The following BACH2 variants were observed in gnomAD, a reference collection of about 807,000 sequenced individuals.
BACH2 encodes transcription regulator protein BACH2.
A neutral mutation model predicts 61.8 loss-of-function variants in BACH2; 5 were observed. That is an observed-to-expected ratio of 0.08 (90% CI 0.04 to 0.17). The LOEUF (loss-of-function observed/expected upper bound fraction) is 0.17, where lower values mean the gene tolerates loss of function less well. BACH2 is among the 10% of genes least tolerant of loss of function. BACH2 has a pLI of 1.00. For synonymous variants in BACH2, 446 were observed against 440.1 expected, an observed-to-expected ratio of 1.01 and a Z score of -0.17; for missense variants, 824 against 1,091.1, an observed-to-expected ratio of 0.76 and a Z score of 3.45.
intron 4 of BACH2, among the ~76,000 whole-genome samples, chr6:90,161,740 A>G (rs1164367450): frequency 6.6e-6 from 1 of 152,192 alleles, no homozygotes; most frequent in Non-Finnish European, 1.5e-5. Flanking sequence ...TTAACATCCT[A>G]CCTTTCCACT....
intron 2 of BACH2, among the ~76,000 whole-genome samples, chr6:90,258,345 G>A (rs932087121): frequency 3.3e-5 from 5 of 151,896 alleles, no homozygotes; most frequent in Non-Finnish European, 7.4e-5. Flanking sequence ...TGTCTTCTTG[G>A]TGCCCTTGTC....
chr6:90,102,800 T>TAAC (rs1221103404), intron 4 of BACH2, among the ~76,000 whole-genome samples: 67 of 106,430 alleles, frequency 6.3e-4, no homozygotes, highest in African/African-American at 2.4e-3. Flanking sequence ...CAAATAATAA[T>TAAC]AATAATAATA....
intron 5 of BACH2, among the ~76,000 whole-genome samples, chr6:90,053,149 G>A (rs578073603): frequency 3.2e-4 from 49 of 152,076 alleles, no homozygotes; most frequent in Middle Eastern, 3.4e-3. Flanking sequence ...TCATATATAG[G>A]GAGTTTTACA....
chr6:90,286,982 C>G (rs1302573826), intron 1 of BACH2, among the ~76,000 whole-genome samples: 9 of 152,078 alleles, frequency 5.9e-5, no homozygotes, highest in Non-Finnish European at 1.5e-5. Flanking sequence ...GAGGGCAGTT[C>G]CCCGCTAGAC....
intron 4 of BACH2, among the ~76,000 whole-genome samples, chr6:90,133,001 A>G (rs1784128566): frequency 6.6e-6 from 1 of 152,224 alleles, no homozygotes; most frequent in South Asian, 2.1e-4. Context: ...CCAGATCTGG[A>G]TCACTCACTT....
chr6:90,004,371 CAT>C (rs922273992), intron 6 of BACH2, among the ~76,000 whole-genome samples: 6 of 152,142 alleles, frequency 3.9e-5, no homozygotes, highest in African/African-American at 1.2e-4. Context: ...CCGAGGAAAA[CAT>C]AAGGTCTACC....
intron 4 of BACH2, among the ~76,000 whole-genome samples, chr6:90,164,567 G>T: frequency 6.6e-6 from 1 of 152,088 alleles, no homozygotes; most frequent in Non-Finnish European, 1.5e-5. Context: ...ATTTTATGAG[G>T]CCAGCATCAT....
chr6:90,029,103 TAACACCC>T (rs888784123), intron 5 of BACH2, among the ~76,000 whole-genome samples: 2 of 152,164 alleles, frequency 1.3e-5, no homozygotes, highest in Non-Finnish European at 2.9e-5. Flanking sequence ...CCTGCCCACC[TAACACCC>T]AGACTCTCCC....
chr6:90,121,983 TGCA>T (rs1783648238), intron 4 of BACH2, among the ~76,000 whole-genome samples: 1 of 152,236 alleles, frequency 6.6e-6, no homozygotes, highest in Non-Finnish European at 1.5e-5. Flanking sequence ...CTGTTTTAAC[TGCA>T]GTTCAATGAA....
intron 4 of BACH2, among the ~76,000 whole-genome samples, chr6:90,131,747 A>C (rs1182816364): frequency 6.6e-6 from 1 of 152,218 alleles, no homozygotes; most frequent in Non-Finnish European, 1.5e-5. Flanking sequence ...ACAGCATTTC[A>C]ATTTTGTGGT....
intron 4 of BACH2, among the ~76,000 whole-genome samples, chr6:90,146,187 G>A (rs1197664121): frequency 2.6e-5 from 4 of 152,182 alleles, no homozygotes; most frequent in African/African-American, 9.6e-5. Flanking sequence ...TCATCACCAC[G>A]TGTGACCAAA....
intron 4 of BACH2, among the ~76,000 whole-genome samples, chr6:90,205,882 C>T (rs4707605): frequency 0.46 from 70,019 of 151,998 alleles, 17,147 homozygotes; most frequent in South Asian, 0.56. Context: ...AGTCTGCACA[C>T]GCTAAAGGCA....
chr6:90,150,188 T>C (rs1483102914), intron 4 of BACH2, among the ~76,000 whole-genome samples: 2 of 152,154 alleles, frequency 1.3e-5, no homozygotes, highest in African/African-American at 4.8e-5. Flanking sequence ...GCGTCTCTCA[T>C]GCCCGTGCCA....
At chr6:90,083,046 A>AGACT (rs1474294061) in intron 5 of BACH2, among the ~76,000 whole-genome samples, 3 of 152,182 alleles carry the variant, frequency 2.0e-5, no homozygotes. Context: ...CATGACGCAC[A>AGACT]GTCTGTGCAA....
At chr6:90,151,009 C>T (rs370688952) in intron 4 of BACH2, among the ~76,000 whole-genome samples, 10 of 152,130 alleles carry the variant, frequency 6.6e-5, no homozygotes, top group African/African-American at 1.7e-4. Context: ...AATAATTACA[C>T]GAGGCAGACA....
At chr6:90,254,842 A>G (rs1770925724) in intron 2 of BACH2, among the ~76,000 whole-genome samples, 2 of 152,166 alleles carry the variant, frequency 1.3e-5, no homozygotes, top group Admixed American at 6.5e-5. Flanking sequence ...AAAAGCCTGA[A>G]GAAGTTATTG....
chr6:89,996,608 A>C (rs1290758656), intron 6 of BACH2, among the ~76,000 whole-genome samples: 3 of 152,072 alleles, frequency 2.0e-5, no homozygotes, highest in Non-Finnish European at 4.4e-5. Context: ...TTGCCACACC[A>C]GTGTCCTCTC....
intron 5 of BACH2, among the ~76,000 whole-genome samples, chr6:90,064,824 T>C (rs1006434940): frequency 2.0e-5 from 3 of 152,228 alleles, no homozygotes; most frequent in African/African-American, 7.2e-5. Context: ...GCTTTGTACA[T>C]CATTGTATCC....
At chr6:89,940,776 C>G (rs919381703) in intron 7 of BACH2, among the ~76,000 whole-genome samples, 3 of 151,566 alleles carry the variant, frequency 2.0e-5, no homozygotes, top group African/African-American at 7.3e-5. Flanking sequence ...AGTTTGAATA[C>G]TGTATGTTAT....
Sources: allele counts gnomAD v4.1 joint callset (sites outside exome capture counted in the v4.1 genomes callset), GRCh38; gene constraint gnomAD v4.1.1; transcripts MANE v1.5; gene names NCBI Gene and HGNC (gene_info 2026-07-23, HGNC 2026-07-21).